E2F3: variants seen among roughly 807,000 people sequenced by gnomAD.
E2F3 encodes the protein E2F transcription factor 3, also known as transcription factor E2F3.
E2F3 carries 11 observed loss-of-function variants against 44.4 expected under a neutral mutation model. That is an observed-to-expected ratio of 0.25 (90% confidence interval 0.16 to 0.41). The LOEUF (loss-of-function observed/expected upper bound fraction) is 0.41. Among genes scored for constraint, E2F3 ranks in the 10% least tolerant of loss-of-function variants. E2F3 has a pLI of 1.00. For synonymous variants in E2F3, 249 were observed against 253.0 expected, an observed-to-expected ratio of 0.98 and a Z score of 0.15; for missense variants, 487 against 583.6, an observed-to-expected ratio of 0.83 and a Z score of 1.70.
chr6:20,460,508 A>C (rs1007583707), intron 1 of E2F3, among the ~76,000 whole-genome samples: 4 of 152,170 alleles, frequency 2.6e-5, no homozygotes, highest in Non-Finnish European at 5.9e-5. Context: ...ATGTTCTATA[A>C]TATGGGTATA....
intron 1 of E2F3, among the ~76,000 whole-genome samples, chr6:20,433,076 A>C (rs771013198): frequency 6.6e-6 from 1 of 152,176 alleles, no homozygotes; most frequent in African/African-American, 2.4e-5. Context: ...AGTGCCCACA[A>C]TGTTGCCCGA....
In E2F3 at chr6:20,487,991, A is replaced by G. The variant is rs1225413152; in HGVS notation, c.1000-122A>G. 19 of 1,354,196 alleles carry G rather than the reference A, an allele frequency of 1.4e-5. No individual in the cohort carries two copies. In the East Asian group the frequency reaches 3.9e-4, roughly 28 times the overall value. The allele number at this position is 1,354,196 out of a possible 1,614,324, so 83.9% of individuals were successfully genotyped here. On this transcript the variant is annotated intron_variant, in intron 5 of 6. Coordinates refer to ENST00000346618, the MANE Select transcript of E2F3 (RefSeq NM_001949.5). ...TGACAGTCTTTCATAGAGTTGGACT[A>G]GTAGGGAAAAAGCAAGTGAAAAACG... is the stretch of plus-strand genomic sequence containing the variant.
rs1190008507 is a variant in E2F3, at chr6:20,493,187, T to C, written c.*2757T>C. 1.3e-5 allele frequency: 3 copies of C among 226,214 alleles called. No homozygotes were observed. Among genetic ancestry groups the C allele is most frequent in the East Asian group, 6.4e-5 (1 of 15,650 alleles). The allele number at this position is 226,214 out of a possible 1,614,324, so 14.0% of individuals were successfully genotyped here. A position where few individuals can be genotyped will look rare whatever the true frequency, so the allele number is the denominator to read the frequency against. ...CTGCCAGAATACTTTCTAGCTGCTT[T>C]GTAATTTTTTAAGAGTGTTATTTTG... On this transcript the variant is annotated 3_prime_UTR_variant, in exon 7 of 7. Coordinates refer to ENST00000346618, the MANE Select transcript of E2F3 (RefSeq NM_001949.5).
chr6:20,484,710 A>T (rs1441377038), intron 4 of E2F3, among the ~76,000 whole-genome samples: 1 of 152,226 alleles, frequency 6.6e-6, no homozygotes, highest in Non-Finnish European at 1.5e-5. Context: ...TCTGTGATAG[A>T]TCCCCTACAT....
At chr6:20,447,586 G>A (rs1019890681) in intron 1 of E2F3, among the ~76,000 whole-genome samples, 17 of 151,868 alleles carry the variant, frequency 1.1e-4, no homozygotes, top group Admixed American at 9.2e-4. Flanking sequence ...AGCCTCTAAG[G>A]GGTAAGGGCC....
chr6:20,463,346 C>T (rs560245880), intron 1 of E2F3, among the ~76,000 whole-genome samples: 3 of 152,178 alleles, frequency 2.0e-5, no homozygotes, highest in East Asian at 3.9e-4. Flanking sequence ...GCCAGGAGTT[C>T]GAGACCAGCC....
chr6:20,429,560 G>A (rs1448831874), intron 1 of E2F3, among the ~76,000 whole-genome samples: 1 of 152,190 alleles, frequency 6.6e-6, no homozygotes, highest in Non-Finnish European at 1.5e-5. Context: ...CTCGGAGGAT[G>A]AGGAGAGACT....
chr6:20,449,632 A>G (rs1311556714), intron 1 of E2F3, among the ~76,000 whole-genome samples: 1 of 151,824 alleles, frequency 6.6e-6, no homozygotes, highest in Non-Finnish European at 1.5e-5. Context: ...TTTAACTTTT[A>G]TTTTAAGTTT....
intron 1 of E2F3, among the ~76,000 whole-genome samples, chr6:20,444,613 A>G (rs1760879684): frequency 6.6e-6 from 1 of 152,174 alleles, no homozygotes; most frequent in Non-Finnish European, 1.5e-5. Context: ...TGCTGTGTCT[A>G]GAAGAAAATG....
intron 1 of E2F3, among the ~76,000 whole-genome samples, chr6:20,410,487 T>G (rs1759636272): frequency 6.6e-6 from 1 of 152,222 alleles, no homozygotes; most frequent in African/African-American, 2.4e-5. Flanking sequence ...GAAGTTGCAA[T>G]GAGTTCTTAT....
chr6:20,432,489 A>G (rs1760438840), intron 1 of E2F3, among the ~76,000 whole-genome samples: 1 of 152,264 alleles, frequency 6.6e-6, no homozygotes, highest in Admixed American at 6.5e-5. Flanking sequence ...TTGAGACAAG[A>G]TATATGGTGT....
At chr6:20,424,210 GGTGTGTGTGTGTGTGTGTGTGT>G (rs57286350) in intron 1 of E2F3, among the ~76,000 whole-genome samples, 2 of 136,920 alleles carry the variant, frequency 1.5e-5, no homozygotes, top group Admixed American at 7.4e-5. Flanking sequence ...TCAGTGGAAG[GGTGTGTGTGTGTGTGTGTGTGT>G]GTGTGTGTGT....
chr6:20,449,369 A>G (rs561722656), intron 1 of E2F3, among the ~76,000 whole-genome samples: 49 of 152,174 alleles, frequency 3.2e-4, no homozygotes, highest in African/African-American at 1.2e-3. Flanking sequence ...AAATACTTTT[A>G]TTTTCCTTCT....
chr6:20,409,487 G>T (rs527361964), intron 1 of E2F3, among the ~76,000 whole-genome samples: 2 of 152,252 alleles, frequency 1.3e-5, no homozygotes, highest in African/African-American at 4.8e-5. Context: ...AGACTTTCTT[G>T]GGGAGAAGGA....
intron 1 of E2F3, among the ~76,000 whole-genome samples, chr6:20,448,061 T>C (rs1240900964): frequency 6.6e-6 from 1 of 152,226 alleles, no homozygotes; most frequent in Non-Finnish European, 1.5e-5. Context: ...TCCAGTTTCA[T>C]TCCTGGGGAT....
At chr6:20,460,012 T>G (rs944200049) in intron 1 of E2F3, among the ~76,000 whole-genome samples, 6 of 152,240 alleles carry the variant, frequency 3.9e-5, no homozygotes, top group African/African-American at 1.4e-4. Context: ...GCAATAATCC[T>G]AAAATCTGGG....
chr6:20,485,014 GC>G (rs869133605), intron 4 of E2F3, among the ~76,000 whole-genome samples: 1 of 149,782 alleles, frequency 6.7e-6, no homozygotes, highest in African/African-American at 2.5e-5. Context: ...GGGTCTCTAA[GC>G]CCCCCCTTTT....
At chr6:20,482,222 C>T (rs563501993) in intron 3 of E2F3, among the ~76,000 whole-genome samples, 80 of 152,218 alleles carry the variant, frequency 5.3e-4, no homozygotes, top group Middle Eastern at 6.8e-3. Flanking sequence ...GCACTAGTCT[C>T]AGTTCTTGCA....
intron 1 of E2F3, among the ~76,000 whole-genome samples, chr6:20,471,108 G>T (rs1305967083): frequency 1.3e-5 from 2 of 152,134 alleles, no homozygotes; most frequent in Non-Finnish European, 2.9e-5. Context: ...TTGGTGTGTG[G>T]TATGTATCCT....
Sources: gnomAD v4.1 joint callset for allele counts (sites outside exome capture counted in the v4.1 genomes callset) on GRCh38, gnomAD v4.1.1 for gene constraint, MANE v1.5 for transcripts, NCBI Gene and HGNC (gene_info 2026-07-23, HGNC 2026-07-21) for gene names.